SASH1: variants seen among roughly 807,000 people sequenced by gnomAD.
SASH1 encodes the protein SAM and SH3 domain-containing protein 1.
In SASH1, 44 loss-of-function variants were observed where a neutral mutation model predicts 125.2. The ratio of observed to expected loss-of-function variants is 0.35; its 90% CI spans 0.28 to 0.45. The LOEUF is 0.45. SASH1 is among the 20% of genes least tolerant of loss of function. The probability of loss-of-function intolerance (pLI) is 1.00; values close to 1 mark genes in which losing one functional copy is unlikely to be tolerated. For synonymous variants in SASH1, 639 were observed against 649.1 expected (o/e 0.98, Z 0.24); for missense variants, 1,426 against 1,614.5 (o/e 0.88, Z 2.00).
the SASH1 span, among the ~76,000 whole-genome samples, chr6:148,264,810 C>T: frequency 6.6e-6 from 1 of 152,228 alleles, no homozygotes; most frequent in African/African-American, 2.4e-5. Context: ...TAACAACCTC[C>T]ATCTCGACCC....
At position 148,358,742 on chromosome 6, in the gene SASH1, T is replaced by TG. The variant is rs1256820251; in HGVS notation, c.156+15519_156+15520insG. 7.5e-5 allele frequency among the ~76,000 whole-genome samples: 11 copies of TG among 146,668 alleles called. No individual in the cohort carries two copies. The South Asian group carries it at 2.2e-3, about 30-fold the overall frequency. ...CTAATGCCATGTTTTTGTTTTTTTT[T>TG]TTTTTTTTTTTGAGACGGAGTCTCC... On this transcript the variant is annotated intron_variant, in intron 1 of 19. Coordinates refer to ENST00000367467, the MANE Select transcript of SASH1 (RefSeq NM_015278.5).
Position 148,544,668 on chromosome 6 carries a change from G to A in SASH1, c.3198G>A (p.Glu1066=), listed in dbSNP as rs1307883378. The change falls in exon 18 of 20, where the codon GAG becomes GAA. Residue 1066 remains glutamate (E), a synonymous_variant. Transcript: ENST00000367467. The surrounding 1 kb of genome is among the most constrained non-coding windows in gnomAD (Gnocchi z 6.4). ...CCCCCTGGCTCTCAGAGCTCCCCGA[G>A]AACACAAGCCTCCAGGAGCACGGTG... The part of the protein sequence containing the change: ...RPPPWLSELP[E]NTSLQEHGVK... 3.1e-6 allele frequency: 5 copies of A among 1,613,428 alleles called. No individual in the cohort carries two copies. Among genetic ancestry groups the A allele is most frequent in the South Asian group, 1.1e-5 (1 of 90,942 alleles).
Position 148,387,564 on chromosome 6 carries a change from TTCTC to T in SASH1, c.157-2568_157-2565del, listed in dbSNP as rs1219500842. ...TTTCTTTTCTTTTCCTTTCTTTCTT[TTCTC>T]TTTCTTTCTTTCTTTCTTTCTTTCT... On this transcript the variant is annotated intron_variant, in intron 1 of 19. Transcript: ENST00000367467. Among the ~76,000 whole-genome samples the T allele has an allele frequency of 4.2e-5, 6 of 142,270 alleles. 1 individual carries two copies. Among genetic ancestry groups the T allele is most frequent in the Non-Finnish European group, 7.8e-5 (5 of 63,884 alleles). 93.3% of individuals were successfully genotyped at this position (142,270 alleles called of 152,430 possible). A position where few individuals can be genotyped will look rare whatever the true frequency, so the allele number is the denominator to read the frequency against.
chr6:148,351,953 G>A (rs2495952), intron 1 of SASH1, among the ~76,000 whole-genome samples: 148,079 of 152,184 alleles, frequency 0.97, 72,073 homozygotes, highest in East Asian at 1. Context: ...CCTCCTTTGT[G>A]AAATAAACCA....
chr6:148,547,114 A>G (rs1330506893), intron 19 of SASH1, among the ~76,000 whole-genome samples: 1 of 152,164 alleles, frequency 6.6e-6, no homozygotes, highest in Non-Finnish European at 1.5e-5. Flanking sequence ...TTAAGTCAAG[A>G]ACTCTCACCT....
Position 148,361,256 on chromosome 6 carries a change from A to G in SASH1, c.156+18033A>G, listed in dbSNP as rs1033289374. On this transcript the variant is annotated intron_variant, in intron 1 of 19. Coordinates refer to ENST00000367467, the MANE Select transcript of SASH1 (RefSeq NM_015278.5). ...AGGAAACAATACAGATGGCTGCTCT[A>G]TTACCACAGGGTAGCAGCTTTGAGC... is the stretch of plus-strand genomic sequence containing the variant. Among the ~76,000 whole-genome samples, 5 of 152,208 alleles carry G rather than the reference A, an allele frequency of 3.3e-5. No homozygotes were observed. The South Asian group carries it at 6.2e-4, about 19-fold the overall frequency.
chr6:148,273,025 C>T (rs964375251), intron 1 of SASH1, among the ~76,000 whole-genome samples: 2 of 151,906 alleles, frequency 1.3e-5, no homozygotes, highest in Non-Finnish European at 2.9e-5. Context: ...TTTGAGAGGC[C>T]GGGGCGGGAA....
chr6:148,471,679 C>CT (rs1562439667), intron 6 of SASH1, among the ~76,000 whole-genome samples, 176 bp downstream of exon 6: 1 of 152,076 alleles, frequency 6.6e-6, no homozygotes, highest in African/African-American at 2.4e-5. Flanking sequence ...CAGTGATTTT[C>CT]TTTTGTTTTA....
At chr6:148,199,265 T>G in the SASH1 span, among the ~76,000 whole-genome samples, 3 of 151,740 alleles carry the variant, frequency 2.0e-5, no homozygotes, top group Non-Finnish European at 4.4e-5. Context: ...GCCCAGCTAC[T>G]CAGGAGGCTG....
intron 4 of SASH1, among the ~76,000 whole-genome samples, chr6:148,456,230 T>C (rs370768886): frequency 1.3e-5 from 2 of 152,244 alleles, no homozygotes; most frequent in Non-Finnish European, 2.9e-5. Context: ...AGCCCCCTGC[T>C]GCCTCACTTT....
intron 8 of SASH1, among the ~76,000 whole-genome samples, chr6:148,506,968 C>T (rs113659386): frequency 7.1e-4 from 108 of 152,240 alleles, no homozygotes; most frequent in African/African-American, 2.6e-3. Context: ...CCTGGGAATG[C>T]TAAGCTTTGG....
At chr6:148,249,380 T>C in the SASH1 span, among the ~76,000 whole-genome samples, 7 of 151,624 alleles carry the variant, frequency 4.6e-5, no homozygotes, top group African/African-American at 1.2e-4. Flanking sequence ...CGTGGGCTGA[T>C]AGGGGAGACT....
rs1211957876 is a variant in SASH1, at chr6:148,546,075, C to A, written c.3409C>A (p.Pro1137Thr). 1.2e-6 allele frequency: 2 copies of A among 1,614,144 alleles called. No homozygotes were observed. Among genetic ancestry groups the A allele is most frequent in the Non-Finnish European group, 1.7e-6 (2 of 1,180,060 alleles). Residue 1137 changes from proline to threonine, a missense_variant, in exon 19 of 20, where the codon CCC (proline) becomes ACC (threonine). Physicochemically the swap from Pro to Thr is conservative, Grantham distance 38 (BLOSUM62 -1). This residue lies in a region of SASH1 where 634 missense variants were observed against 694.4 expected (regional missense o/e 0.91). Transcript: ENST00000367467. ...VQRYAEDLDQPERDVAANMDQ... is the reference protein window; with the variant it reads ...VQRYAEDLDQTERDVAANMDQ... Reference sequence around the variant, plus strand: ...GAGATACGCAGAGGACTTGGATCAGCCCGAGCGGGACGTCGCCGCCAACAT... The same window carrying A: ...GAGATACGCAGAGGACTTGGATCAGACCGAGCGGGACGTCGCCGCCAACAT...
intron 12 of SASH1, among the ~76,000 whole-genome samples, chr6:148,527,842 C>T (rs556497630): frequency 1.3e-5 from 2 of 152,310 alleles, no homozygotes; most frequent in South Asian, 4.1e-4. Context: ...TGTGTACAGA[C>T]AAGAGAGACA....
chr6:148,341,319 T>G (rs76770039), upstream of SASH1, among the ~76,000 whole-genome samples: 92 of 146,648 alleles, frequency 6.3e-4, 1 homozygote, highest in East Asian at 0.014. Context: ...TATGTTTTGT[T>G]TTTTTTTTTT....
chr6:148,201,792 T>C, the SASH1 span, among the ~76,000 whole-genome samples: 9 of 151,950 alleles, frequency 5.9e-5, no homozygotes, highest in Admixed American at 5.9e-4. Flanking sequence ...GGAGAACAGA[T>C]GGAGTGGGTC....
chr6:148,520,019 C>G (rs946276500), intron 10 of SASH1, 126 bp downstream of exon 10: 8 of 667,184 alleles, frequency 1.2e-5, no homozygotes, highest in Non-Finnish European at 1.8e-5. Context: ...CTAATTATTC[C>G]TGTTCCAGAG....
At chr6:148,460,073 C>T (rs1415799520) in intron 4 of SASH1, among the ~76,000 whole-genome samples, 1 of 152,178 alleles carries the variant, frequency 6.6e-6, no homozygotes, top group Non-Finnish European at 1.5e-5. Context: ...CAAAAGGAGG[C>T]AGGCTTGATT....
intron 1 of SASH1, among the ~76,000 whole-genome samples, chr6:148,337,397 T>G (rs1193886718): frequency 2.0e-5 from 3 of 152,040 alleles, no homozygotes; most frequent in Non-Finnish European, 2.9e-5. Flanking sequence ...CAAATTTTTT[T>G]GTATTTTTAG....
Sources: gnomAD v4.1 joint callset for allele counts (sites outside exome capture counted in the v4.1 genomes callset) on GRCh38, gnomAD v4.1.1 for gene constraint, gnomAD v4.1.1 regional missense constraint, Gnocchi (gnomAD v3.1) non-coding constraint, MANE v1.5 for transcripts, NCBI Gene and HGNC (gene_info 2026-07-23, HGNC 2026-07-21) for gene names.